The following ROBO2 variants were observed in gnomAD, a reference collection of about 807,000 sequenced individuals.
ROBO2 encodes roundabout guidance receptor 2, also known as roundabout homolog 2.
ROBO2 carries 53 observed loss-of-function variants against 160.8 expected under a neutral mutation model. The observed-to-expected ratio is 0.33, with a 90% CI of 0.26 to 0.41. ROBO2 has a LOEUF of 0.41. Ranked by LOEUF, ROBO2 falls within the 10% of genes least tolerant of loss-of-function variation. The probability of loss-of-function intolerance (pLI) is 1.00; values close to 1 mark genes in which losing one functional copy is unlikely to be tolerated. For synonymous variants in ROBO2, 664 were observed against 611.7 expected, an observed-to-expected ratio of 1.09 and a Z score of -1.26; for missense variants, 1,577 against 1,722.4, an observed-to-expected ratio of 0.92 and a Z score of 1.49.
intron 2 of ROBO2, among the ~76,000 whole-genome samples, chr3:77,293,492 C>A (rs1253067728): frequency 7.2e-6 from 1 of 138,396 alleles, no homozygotes; most frequent in Non-Finnish European, 1.6e-5. Flanking sequence ...GAGGCTAGAT[C>A]ACCCCAGACA....
At chr3:76,931,934 G>C (rs1455098527) in intron 2 of ROBO2, among the ~76,000 whole-genome samples, 2 of 152,090 alleles carry the variant, frequency 1.3e-5, no homozygotes, top group African/African-American at 4.8e-5. Context: ...ACCTGCCTTG[G>C]CCTCCCAAAG....
chr3:77,649,579 C>T (rs1304628006), exon 26 of ROBO2: 4 of 152,110 alleles, frequency 2.6e-5, no homozygotes, highest in African/African-American at 7.2e-5. Flanking sequence ...TGTCTTTCCA[C>T]ATTATTTTAG....
intron 1 of ROBO2, among the ~76,000 whole-genome samples, chr3:75,930,086 A>G (rs142403221): frequency 1.1e-3 from 171 of 152,342 alleles, no homozygotes; most frequent in South Asian, 0.011. Flanking sequence ...ATTCACATGA[A>G]AGGACCATTA....
intron 2 of ROBO2, among the ~76,000 whole-genome samples, chr3:77,416,439 C>T (rs1478390567): frequency 1.3e-5 from 2 of 152,058 alleles, no homozygotes; most frequent in Non-Finnish European, 2.9e-5. Context: ...TCTGCCGTGG[C>T]CTGGAGCAGT....
chr3:77,491,989 T>G (rs73845107), intron 4 of ROBO2, among the ~76,000 whole-genome samples: 5,878 of 152,294 alleles, frequency 0.039, 138 homozygotes, highest in Non-Finnish European at 0.042. Flanking sequence ...ATACTCTTAT[T>G]TATACTCTTA....
exon 18 of ROBO2, chr3:77,595,165 G>A: frequency 6.2e-7 from 1 of 1,611,696 alleles, no homozygotes; most frequent in Admixed American, 1.7e-5. Flanking sequence ...AGGAGATGGA[G>A]GACTAATGAG....
intron 2 of ROBO2, among the ~76,000 whole-genome samples, chr3:76,323,138 TACACACACACACACACACAC>T (rs71874425): frequency 1.4e-5 from 2 of 143,956 alleles, no homozygotes; most frequent in Admixed American, 7.0e-5. Context: ...TTGTTAGTAT[TACACACACACACACACACAC>T]ACACACACAC....
chr3:76,786,725 T>C (rs1477588160), intron 2 of ROBO2, among the ~76,000 whole-genome samples: 2 of 151,130 alleles, frequency 1.3e-5, no homozygotes, highest in Non-Finnish European at 3.0e-5. Flanking sequence ...AAGGGCTGGA[T>C]TGTAAAGATG....
intron 2 of ROBO2, among the ~76,000 whole-genome samples, chr3:77,308,960 C>T (rs2063319865): frequency 6.6e-6 from 1 of 151,988 alleles, no homozygotes; most frequent in Admixed American, 6.6e-5. Context: ...AATATTTTCT[C>T]GACCATAAAT....
At chr3:77,063,870 T>C (rs376060162) in intron 1 of ROBO2, among the ~76,000 whole-genome samples, 1 of 152,218 alleles carries the variant, frequency 6.6e-6, no homozygotes, top group African/African-American at 2.4e-5. Context: ...TATCATCTCC[T>C]GAACATATAC....
At chr3:77,622,512 T>G (rs1433070038) in intron 23 of ROBO2, 80 bp downstream of exon 24, 4 of 1,119,442 alleles carry the variant, frequency 3.6e-6, no homozygotes, top group Non-Finnish European at 5.3e-6. Flanking sequence ...TTCCTTATTG[T>G]AAGATTTATT....
At chr3:76,893,288 AC>A (rs2074497960) in intron 2 of ROBO2, among the ~76,000 whole-genome samples, 1 of 150,156 alleles carries the variant, frequency 6.7e-6, no homozygotes, top group African/African-American at 2.4e-5. Flanking sequence ...GAAAAAAAAA[AC>A]AAATTTAGAA....
chr3:76,157,205 T>A (rs2072440869), intron 2 of ROBO2, among the ~76,000 whole-genome samples: 1 of 152,140 alleles, frequency 6.6e-6, no homozygotes, highest in Admixed American at 6.6e-5. Context: ...CTTTAAAAAA[T>A]AAAATTTGTT....
intron 2 of ROBO2, among the ~76,000 whole-genome samples, chr3:77,153,510 AT>A (rs1473685056): frequency 6.6e-6 from 1 of 152,088 alleles, no homozygotes; most frequent in African/African-American, 2.4e-5. Flanking sequence ...CTGAAATTAA[AT>A]TTATCTTTAT....
intron 2 of ROBO2, among the ~76,000 whole-genome samples, chr3:77,421,429 C>T (rs896946977): frequency 6.6e-6 from 1 of 151,944 alleles, no homozygotes; most frequent in African/African-American, 2.4e-5. Context: ...TATTGGTTAA[C>T]AGAGGGTGAT....
At chr3:76,499,077 T>C (rs1560049091) in intron 2 of ROBO2, among the ~76,000 whole-genome samples, 1 of 152,180 alleles carries the variant, frequency 6.6e-6, no homozygotes, top group African/African-American at 2.4e-5. Flanking sequence ...GTCAACCTAG[T>C]CTTTACCTTA....
chr3:76,677,359 G>C (rs1234993929), intron 2 of ROBO2, among the ~76,000 whole-genome samples: 1 of 152,142 alleles, frequency 6.6e-6, no homozygotes, highest in African/African-American at 2.4e-5. Flanking sequence ...CCCAACCCAG[G>C]TGCACAAGAG....
chr3:76,679,908 T>C (rs1275195940), intron 2 of ROBO2, among the ~76,000 whole-genome samples: 1 of 152,162 alleles, frequency 6.6e-6, no homozygotes, highest in East Asian at 1.9e-4. Context: ...TAAATTAAGC[T>C]GAGATTTCTT....
At chr3:77,517,809 C>T (rs2153623034) in intron 5 of ROBO2, among the ~76,000 whole-genome samples, 1 of 151,282 alleles carries the variant, frequency 6.6e-6, no homozygotes, top group East Asian at 2.0e-4. Context: ...CTTTGTCCAG[C>T]ATATCCACGC....
Sources: allele counts gnomAD v4.1 joint callset (sites outside exome capture counted in the v4.1 genomes callset), GRCh38; gene constraint gnomAD v4.1.1; transcripts MANE v1.5; gene names NCBI Gene and HGNC (gene_info 2026-07-23, HGNC 2026-07-21).